The following RGS7BP variants were observed in gnomAD, a reference collection of about 807,000 sequenced individuals.
The protein encoded by RGS7BP is regulator of G protein signaling 7-binding protein.
Under a neutral mutation model 31.3 loss-of-function variants are expected in RGS7BP, and 9 were observed. The observed-to-expected ratio is 0.29, with a 90% CI of 0.17 to 0.50. The LOEUF (loss-of-function observed/expected upper bound fraction) is 0.50, where lower values mean the gene tolerates loss of function less well. Ranked by LOEUF, RGS7BP falls within the 20% of genes least tolerant of loss-of-function variation. RGS7BP has a pLI of 0.98. For missense variants in RGS7BP, 274 were observed against 322.0 expected, an observed-to-expected ratio of 0.85 and a Z score of 1.14; for synonymous variants, 115 against 120.1, an observed-to-expected ratio of 0.96 and a Z score of 0.28.
At chr5:64,519,221 C>T (rs1749047486) in intron 2 of RGS7BP, among the ~76,000 whole-genome samples, 1 of 152,102 alleles carries the variant, frequency 6.6e-6, no homozygotes, top group Admixed American at 6.5e-5. Context: ...AAGGTAGATC[C>T]CTCAGCATCA....
Position 64,580,308 on chromosome 5 carries a change from A to G in RGS7BP, c.463+4404A>G, listed in dbSNP as rs141429917. ...GTGAGAAACCTTACTACTTACTACC[A>G]TCGGAGAGAAAGGCAGACAAATGTT... On this transcript the variant is annotated intron_variant, in intron 3 of 5. Transcript: ENST00000334025. Among the ~76,000 whole-genome samples the G allele has an allele frequency of 2.5e-3, 376 of 152,322 alleles. 3 individuals carry two copies. The highest frequency in any genetic ancestry group is 7.6e-3 in the African/African-American group (315 of 41,572).
In RGS7BP at chr5:64,594,745, T is replaced by C. The variant is rs145018175; in HGVS notation, c.499T>C (p.Cys167Arg). ...TGGCGGGGGAACCAAGAGTTTGGAT[T>C]GCAAAATTGAGGAGAGTGCTGAAAC... The part of the protein sequence containing the change: ...EPGGGTKSLD[C>R]KIEESAETPA... Residue 167 changes from cysteine to arginine, a missense_variant, in exon 4 of 6, where the codon TGC (cysteine) becomes CGC (arginine). Cys to Arg is a radical substitution (Grantham distance 180). Coordinates refer to ENST00000334025, the MANE Select transcript of RGS7BP (RefSeq NM_001029875.3). The C allele has an allele frequency of 6.2e-7, 1 of 1,613,646 alleles. No homozygotes were observed. Among genetic ancestry groups the C allele is most frequent in the African/African-American group, 1.3e-5 (1 of 74,874 alleles).
At chr5:64,601,566 G>C (rs1024295188) in intron 5 of RGS7BP, 1 of 372,274 alleles carries the variant, frequency 2.7e-6, no homozygotes, top group African/African-American at 2.2e-5. Context: ...AGAGATGCAC[G>C]AAAGAAAAGC....
intron 2 of RGS7BP, among the ~76,000 whole-genome samples, chr5:64,525,935 G>A (rs984277089): frequency 1.4e-4 from 22 of 152,156 alleles, no homozygotes; most frequent in African/African-American, 5.1e-4. Flanking sequence ...AGGACAGCAG[G>A]AAGCCCCCAG....
At position 64,506,516 on chromosome 5, in the gene RGS7BP, G is replaced by C; in HGVS notation, c.-109G>C. On this transcript the variant is annotated 5_prime_UTR_variant, in exon 1 of 6. Coordinates refer to ENST00000334025, the MANE Select transcript of RGS7BP (RefSeq NM_001029875.3). The surrounding 1 kb of genome is among the most constrained non-coding windows in gnomAD (Gnocchi z 4.6). ...CCAGCCCCAGCACTGTGAGCTGCGC[G>C]CCTCAGGTCCGGGCTCCGGCTGCTT... The C allele has an allele frequency of 1.1e-6, 1 of 918,362 alleles. No individual in the cohort carries two copies. Among genetic ancestry groups the C allele is most frequent in the Non-Finnish European group, 1.6e-6 (1 of 615,668 alleles). 56.9% of individuals were successfully genotyped at this position (918,362 alleles called of 1,614,324 possible). A position where few individuals can be genotyped will look rare whatever the true frequency, so the allele number is the denominator to read the frequency against.
chr5:64,535,230 C>T (rs1749476580), intron 2 of RGS7BP, among the ~76,000 whole-genome samples: 2 of 152,138 alleles, frequency 1.3e-5, no homozygotes, highest in Non-Finnish European at 2.9e-5. Context: ...AGCTTCTGCT[C>T]TTCATGGAAA....
chr5:64,527,533 G>C (rs559239208), intron 2 of RGS7BP, among the ~76,000 whole-genome samples: 1 of 146,222 alleles, frequency 6.8e-6, no homozygotes, highest in African/African-American at 2.5e-5. Context: ...TCTTGGTTGC[G>C]GTTTTCATAT....
intron 3 of RGS7BP, among the ~76,000 whole-genome samples, chr5:64,590,594 TAATC>T (rs1742887203): frequency 6.6e-6 from 1 of 152,086 alleles, no homozygotes; most frequent in Non-Finnish European, 1.5e-5. Context: ...ACTTAAAAAA[TAATC>T]AATGATTCAT....
intron 5 of RGS7BP, 111 bp downstream of exon 5, chr5:64,598,546 G>T (rs1327870962): frequency 9.4e-6 from 7 of 743,320 alleles, no homozygotes; most frequent in African/African-American, 5.3e-5. Context: ...AGAAGGCATT[G>T]AGCATTCATT....
intron 3 of RGS7BP, among the ~76,000 whole-genome samples, chr5:64,590,449 A>G (rs1176729079): frequency 1.3e-5 from 2 of 152,176 alleles, no homozygotes; most frequent in African/African-American, 4.8e-5. Flanking sequence ...GGTATGAAAC[A>G]GTTCCAAGAG....
intron 3 of RGS7BP, among the ~76,000 whole-genome samples, chr5:64,583,934 T>C (rs1352972318): frequency 2.0e-5 from 3 of 152,238 alleles, no homozygotes; most frequent in African/African-American, 7.2e-5. Context: ...CTGTGTACCT[T>C]CTACTTGCCA....
chr5:64,608,265 G>C (rs150367053), intron 5 of RGS7BP, among the ~76,000 whole-genome samples: 251 of 152,082 alleles, frequency 1.7e-3, no homozygotes, highest in African/African-American at 5.9e-3. Context: ...GCTTCAACAG[G>C]ATATTTCTAC....
rs565210272 is a variant in RGS7BP, at chr5:64,597,579, G to A, written c.612-786G>A. The stretch of plus-strand genomic sequence containing the variant: ...ACCTGAGTTATGCTGAATTCCAATC[G>A]TAGTAACAAGAGACTATTAAAACCA... On this transcript the variant is annotated intron_variant, in intron 4 of 5. Transcript: ENST00000334025. Among the ~76,000 whole-genome samples the A allele has an allele frequency of 4.6e-5, 7 of 151,458 alleles. 1 individual carries two copies. The East Asian group carries it at 7.9e-4, about 17-fold the overall frequency.
In RGS7BP at chr5:64,551,033, C is replaced by T. The variant is rs568264044; in HGVS notation, c.333-24741C>T. ...TTTCTAAAGCTTTTAAACCAGAATA[C>T]AATCATAGCAGCAATTACCCATATT... is the stretch of plus-strand genomic sequence containing the variant. On this transcript the variant is annotated intron_variant, in intron 2 of 5. Coordinates refer to ENST00000334025, the MANE Select transcript of RGS7BP (RefSeq NM_001029875.3). 4.5e-4 allele frequency among the ~76,000 whole-genome samples: 69 copies of T among 151,774 alleles called. 1 individual carries two copies. Among genetic ancestry groups the T allele is most frequent in the African/African-American group, 1.6e-3 (68 of 41,252 alleles).
At chr5:64,512,896 T>G (rs144782225) in intron 2 of RGS7BP, among the ~76,000 whole-genome samples, 2 of 152,192 alleles carry the variant, frequency 1.3e-5, no homozygotes, top group Admixed American at 6.5e-5. Flanking sequence ...GCCTAGATTC[T>G]TCATATATCA....
intron 3 of RGS7BP, among the ~76,000 whole-genome samples, chr5:64,590,811 C>A (rs1742893562): frequency 6.6e-6 from 1 of 152,062 alleles, no homozygotes; most frequent in Non-Finnish European, 1.5e-5. Flanking sequence ...AACAGTATAT[C>A]CAGAAATAAA....
chr5:64,572,521 C>T (rs1580443463), intron 2 of RGS7BP, among the ~76,000 whole-genome samples: 1 of 152,142 alleles, frequency 6.6e-6, no homozygotes, highest in Admixed American at 6.6e-5. Flanking sequence ...GATACCTTAG[C>T]TTTTCCACTT....
intron 2 of RGS7BP, among the ~76,000 whole-genome samples, chr5:64,559,748 C>T (rs1321868254): frequency 2.6e-5 from 4 of 152,106 alleles, no homozygotes; most frequent in African/African-American, 7.2e-5. Flanking sequence ...AGTACATTTG[C>T]CAGGTGCTGA....
At chr5:64,572,287 T>A (rs1742317968) in intron 2 of RGS7BP, among the ~76,000 whole-genome samples, 1 of 152,198 alleles carries the variant, frequency 6.6e-6, no homozygotes, top group Admixed American at 6.5e-5. Flanking sequence ...ACTCATTTGT[T>A]ATGAAAATAA....
Sources: gnomAD v4.1 joint callset for allele counts (sites outside exome capture counted in the v4.1 genomes callset) on GRCh38, gnomAD v4.1.1 for gene constraint, Gnocchi (gnomAD v3.1) non-coding constraint, MANE v1.5 for transcripts, NCBI Gene and HGNC (gene_info 2026-07-23, HGNC 2026-07-21) for gene names.